The following PPP1R14C variants were observed in gnomAD, a reference collection of about 807,000 sequenced individuals.
PPP1R14C encodes protein phosphatase 1 regulatory inhibitor subunit 14C, also known as protein phosphatase 1 regulatory subunit 14C.
In PPP1R14C, 16 loss-of-function variants were observed where a neutral mutation model predicts 20.4. The observed-to-expected ratio is 0.78, with a 90% confidence interval of 0.53 to 1.19. The LOEUF is 1.19. Among genes scored for constraint, PPP1R14C ranks in the 50% most tolerant of loss-of-function variants. The pLI is 0.00. For synonymous variants in PPP1R14C, 91 were observed against 91.0 expected, an observed-to-expected ratio of 1.00 and a Z score of 0.00; for missense variants, 211 against 220.1, an observed-to-expected ratio of 0.96 and a Z score of 0.26.
At chr6:150,204,541 C>T (rs1040024356) in intron 1 of PPP1R14C, among the ~76,000 whole-genome samples, 1 of 152,218 alleles carries the variant, frequency 6.6e-6, no homozygotes, top group African/African-American at 2.4e-5. Context: ...TGTGCCCAGT[C>T]AACTTAGCAC....
At chr6:150,241,960 G>A (rs1237678974) in intron 3 of PPP1R14C, among the ~76,000 whole-genome samples, 2 of 152,176 alleles carry the variant, frequency 1.3e-5, no homozygotes, top group Non-Finnish European at 2.9e-5. Context: ...AGAATTACTT[G>A]ATATGTGGGG....
chr6:150,235,318 G>A (rs1778347608), intron 3 of PPP1R14C, among the ~76,000 whole-genome samples: 1 of 152,160 alleles, frequency 6.6e-6, no homozygotes, highest in South Asian at 2.1e-4. Context: ...TCGAATTCCT[G>A]GCCTCAAGTG....
At chr6:150,175,738 A>G (rs1777554642) in intron 1 of PPP1R14C, among the ~76,000 whole-genome samples, 1 of 152,218 alleles carries the variant, frequency 6.6e-6, no homozygotes. Flanking sequence ...GTTATTGGAT[A>G]ACATAACCCA....
rs150084989 is a variant in PPP1R14C at position 150,210,527 on chromosome 6, C to T, written c.307-4217C>T. On this transcript the variant is annotated intron_variant, in intron 1 of 3. Transcript: ENST00000361131. Reference sequence around the variant, plus strand: ...CCCGGGCTCCGCAGTGGGGCCATCTCTTCCTTCTGTCATTCCCCTGTCTTG... The same window carrying T: ...CCCGGGCTCCGCAGTGGGGCCATCTTTTCCTTCTGTCATTCCCCTGTCTTG... 2.6e-3 allele frequency among the ~76,000 whole-genome samples: 398 copies of T among 152,332 alleles called. 3 individuals are homozygous for T. The highest frequency in any genetic ancestry group is 8.9e-3 in the African/African-American group (370 of 41,578).
intron 1 of PPP1R14C, among the ~76,000 whole-genome samples, chr6:150,168,692 A>G (rs1777465105): frequency 6.6e-6 from 1 of 152,168 alleles, no homozygotes. Context: ...GATGCAGGAG[A>G]TGGAAGTAAC....
intron 3 of PPP1R14C, among the ~76,000 whole-genome samples, chr6:150,239,687 C>T (rs2114931084): frequency 6.6e-6 from 1 of 152,176 alleles, no homozygotes; most frequent in African/African-American, 2.4e-5. Flanking sequence ...AAAAGAAGAG[C>T]AAATTAAACC....
At chr6:150,179,656 A>AAG (rs1777599867) in intron 1 of PPP1R14C, among the ~76,000 whole-genome samples, 1 of 151,964 alleles carries the variant, frequency 6.6e-6, no homozygotes, top group African/African-American at 2.4e-5. Context: ...AAAAAAAAAA[A>AAG]GGGGATAATA....
rs548675610 is a variant in PPP1R14C, at chr6:150,157,605, C to A, written c.306+14107C>A. Among the ~76,000 whole-genome samples the A allele has an allele frequency of 5.3e-5, 8 of 151,270 alleles. No individual in the cohort carries two copies. In the East Asian group the frequency reaches 1.5e-3, roughly 29 times the overall value. On this transcript the variant is annotated intron_variant, in intron 1 of 3. Transcript: ENST00000361131. ...TCATGATTCTGGAGGCTGGGGAGTCCCAGAAGCATGGCACTGCATCCGTTG... is the reference window on the plus strand; with the variant it reads ...TCATGATTCTGGAGGCTGGGGAGTCACAGAAGCATGGCACTGCATCCGTTG...
intron 1 of PPP1R14C, among the ~76,000 whole-genome samples, chr6:150,199,199 G>T (rs1777846931): frequency 6.6e-6 from 1 of 152,110 alleles, no homozygotes; most frequent in African/African-American, 2.4e-5. Context: ...GTTCATGGGG[G>T]TGATTCTGGG....
intron 3 of PPP1R14C, among the ~76,000 whole-genome samples, chr6:150,244,986 A>C (rs946407302): frequency 2.0e-5 from 3 of 152,144 alleles, no homozygotes; most frequent in African/African-American, 7.2e-5. Context: ...CATATTTGTC[A>C]TCCTGACATC....
chr6:150,242,810 CA>C (rs552708914), intron 3 of PPP1R14C, among the ~76,000 whole-genome samples: 7 of 151,972 alleles, frequency 4.6e-5, no homozygotes, highest in African/African-American at 1.7e-4. Context: ...ATAGAATCTA[CA>C]AAAAAATCTC....
intron 1 of PPP1R14C, among the ~76,000 whole-genome samples, chr6:150,187,243 TTCTC>T (rs1191266651): frequency 1.7e-5 from 2 of 120,404 alleles, no homozygotes; most frequent in African/African-American, 6.1e-5. Flanking sequence ...GCCTTTCTCT[TTCTC>T]TGTGTGTGTG....
At chr6:150,226,807 A>T (rs1368977650) in intron 3 of PPP1R14C, among the ~76,000 whole-genome samples, 1 of 152,158 alleles carries the variant, frequency 6.6e-6, no homozygotes, top group Non-Finnish European at 1.5e-5. Context: ...TTCATCCAGG[A>T]TAACTAAGTC....
chr6:150,170,756 C>T (rs956076893), intron 1 of PPP1R14C, among the ~76,000 whole-genome samples: 3 of 148,404 alleles, frequency 2.0e-5, no homozygotes, highest in Non-Finnish European at 4.4e-5. Flanking sequence ...AGAAACAGAG[C>T]CTTGTAGGTT....
chr6:150,172,480 C>A (rs754028), intron 1 of PPP1R14C, among the ~76,000 whole-genome samples: 36,724 of 151,956 alleles, frequency 0.24, 4,723 homozygotes, highest in South Asian at 0.34. Flanking sequence ...GGTGGGGAGG[C>A]GGGTAGAGAT....
At chr6:150,149,574 A>G (rs1247173104) in intron 1 of PPP1R14C, among the ~76,000 whole-genome samples, 1 of 149,328 alleles carries the variant, frequency 6.7e-6, no homozygotes, top group Non-Finnish European at 1.5e-5. Flanking sequence ...TTGGGATTAC[A>G]GGTGTGAGCC....
chr6:150,231,940 A>G (rs1778300983), intron 3 of PPP1R14C, among the ~76,000 whole-genome samples: 1 of 152,240 alleles, frequency 6.6e-6, no homozygotes, highest in Non-Finnish European at 1.5e-5. Context: ...GTGGTGCAAT[A>G]AAATAACTAT....
intron 1 of PPP1R14C, among the ~76,000 whole-genome samples, chr6:150,174,370 C>T (rs1436020311): frequency 4.1e-4 from 63 of 152,052 alleles, no homozygotes; most frequent in Non-Finnish European, 8.4e-4. Flanking sequence ...CCGGTGCCCC[C>T]CACCACTCCC....
intron 1 of PPP1R14C, among the ~76,000 whole-genome samples, chr6:150,183,100 C>T (rs991533302): frequency 6.6e-6 from 1 of 152,010 alleles, no homozygotes; most frequent in African/African-American, 2.4e-5. Flanking sequence ...ATCCACTTGG[C>T]ACAAATAGTA....
Sources: allele counts gnomAD v4.1 joint callset (sites outside exome capture counted in the v4.1 genomes callset), GRCh38; gene constraint gnomAD v4.1.1; transcripts MANE v1.5; gene names NCBI Gene and HGNC (gene_info 2026-07-23, HGNC 2026-07-21).